CDK4: variants seen among roughly 807,000 people sequenced by gnomAD.
CDK4 encodes the protein cyclin dependent kinase 4.
In CDK4, 13 loss-of-function variants were observed where a neutral mutation model predicts 36.7. The observed-to-expected ratio is 0.35, with a 90% confidence interval of 0.23 to 0.56. The LOEUF (loss-of-function observed/expected upper bound fraction) is 0.56, where lower values mean the gene tolerates loss of function less well. CDK4 is among the 20% of genes least tolerant of loss of function. The pLI, the probability that CDK4 is intolerant of heterozygous loss-of-function variation, is 0.85. For missense variants in CDK4, 285 were observed against 387.3 expected, an observed-to-expected ratio of 0.74 and a Z score of 2.22; for synonymous variants, 158 against 146.4, an observed-to-expected ratio of 1.08 and a Z score of -0.57.
rs570118524 is a variant in CDK4 at position 57,751,998 on chromosome 12, T to C, written c.-20+177A>G. ...CCGCACAAAGATCACACATGACACA[T>C]GCCTTGCATCGAAGATCCTACACCT... is the stretch of plus-strand genomic sequence containing the variant. On this transcript the variant is annotated intron_variant, in intron 1 of 7. Coordinates refer to ENST00000257904, the MANE Select transcript of CDK4 (RefSeq NM_000075.4). This position sits in a 1 kb window ranked among gnomAD's most constrained non-coding sequence, Gnocchi z 4.5. 7.8e-6 allele frequency: 4 copies of C among 513,332 alleles called. No individual in the cohort carries two copies. Among genetic ancestry groups the C allele is most frequent in the Admixed American group, 3.2e-5 (1 of 30,904 alleles). 31.8% of individuals were successfully genotyped at this position (513,332 alleles called of 1,614,324 possible). A position where few individuals can be genotyped will look rare whatever the true frequency, so the allele number is the denominator to read the frequency against.
rs1955200152 is a variant in CDK4, at chr12:57,749,211, T to C, written c.790A>G (p.Met264Val). Reference protein sequence around the residue: ...PRPVQSVVPEMEESGAQLLLE... With the variant: ...PRPVQSVVPEVEESGAQLLLE... ...AGCAGCTGTGCTCCCGACTCCTCCATCTCAGGTACCACCGACTGCACTGGG... is the reference window on the plus strand; with the variant it reads ...AGCAGCTGTGCTCCCGACTCCTCCACCTCAGGTACCACCGACTGCACTGGG... Residue 264 changes from methionine (M) to valine (V), a missense_variant, in exon 7 of 8, where the codon ATG becomes GTG. Physicochemically the swap from Met to Val is conservative, Grantham distance 21. Transcript: ENST00000257904. The C allele has an allele frequency of 6.2e-7, 1 of 1,613,960 alleles. No individual in the cohort carries two copies. The highest frequency in any genetic ancestry group is 1.3e-5 in the African/African-American group (1 of 75,026).
Position 57,748,290 on chromosome 12 carries a change from A to T in CDK4, c.*235T>A. On this transcript the variant is annotated 3_prime_UTR_variant, in exon 8 of 8. Transcript: ENST00000257904. ...GTATAAAAAAGGACCCCAAATATAAAGGTAGGGAAAGGGACAAGAGGGAAC... is the reference window on the plus strand; with the variant it reads ...GTATAAAAAAGGACCCCAAATATAATGGTAGGGAAAGGGACAAGAGGGAAC... 1 of 465,168 alleles carries T rather than the reference A, an allele frequency of 2.1e-6. No homozygotes were observed. Among genetic ancestry groups the T allele is most frequent in the Non-Finnish European group, 3.9e-6 (1 of 254,864 alleles). 28.8% of individuals were successfully genotyped at this position (465,168 alleles called of 1,614,324 possible). A position where few individuals can be genotyped will look rare whatever the true frequency, so the allele number is the denominator to read the frequency against.
chr12:57,748,728 C>T (rs560428281), intron 7 of CDK4, 111 bp from the exon 8 acceptor site: 37 of 727,810 alleles, frequency 5.1e-5, no homozygotes, highest in East Asian at 3.2e-4. Context: ...TTTTTTGAGA[C>T]GGAGTCTCGC....
Position 57,751,886 on chromosome 12 carries a change from G to C in CDK4, c.-19-150C>G. On this transcript the variant is annotated intron_variant, in intron 1 of 7. Transcript: ENST00000257904. This position sits in a 1 kb window ranked among gnomAD's most constrained non-coding sequence, Gnocchi z 4.5. ...CCAGTCTTCCTTGGGGCCGGCCCCA[G>C]AGATAACACAATGACTCAATACCAA... The C allele has an allele frequency of 7.5e-6, 5 of 666,272 alleles. No homozygotes were observed. The highest frequency in any genetic ancestry group is 1.3e-5 in the Non-Finnish European group (5 of 376,104). 41.3% of individuals were successfully genotyped at this position (666,272 alleles called of 1,614,324 possible).
intron 6 of CDK4, 33 bp from the exon 7 acceptor site, chr12:57,749,350 G>T (rs752010346): frequency 6.2e-7 from 1 of 1,613,952 alleles, no homozygotes; most frequent in African/African-American, 1.3e-5. Flanking sequence ...GGTCAGGAGG[G>T]TCCTCCAGTT....
At position 57,751,394 on chromosome 12, in the gene CDK4, C is replaced by T. The variant is rs758859338; in HGVS notation, c.219-52G>A. The stretch of plus-strand genomic sequence containing the variant: ...AATCCCCTTTAACCCAACATGGCCT[C>T]TCATTATTTCCTCAGGGTCCCCACT... On this transcript the variant is annotated intron_variant, in intron 2 of 7. Transcript: ENST00000257904. The surrounding 1 kb of genome is among the most constrained non-coding windows in gnomAD (Gnocchi z 4.5). 1 of 1,613,708 alleles carries T rather than the reference C, an allele frequency of 6.2e-7. No homozygotes were observed. The highest frequency in any genetic ancestry group is 8.5e-7 in the Non-Finnish European group (1 of 1,179,762).
At chr12:57,750,438 G>A (rs917934321) in intron 5 of CDK4, 9 of 562,114 alleles carry the variant, frequency 1.6e-5, no homozygotes, top group Admixed American at 7.1e-5. Flanking sequence ...ATGGAGGTGC[G>A]TGCCTGTAGT....
At chr12:57,750,579 TG>T in intron 5 of CDK4, 76 bp downstream of exon 5, 1 of 1,018,458 alleles carries the variant, frequency 9.8e-7, no homozygotes, top group Non-Finnish European at 1.6e-6. Flanking sequence ...AAAAAAAGAA[TG>T]GGCAAGGTAT....
chr12:57,750,808 C>T lies in CDK4; in HGVS notation c.523-43G>A, dbSNP rs201866010. ...AATGGATGGGGACCCCATGGGTTAC[C>T]ATGAAACACAACTTGCTTGACTGAA... On this transcript the variant is annotated intron_variant, in intron 4 of 7. Transcript: ENST00000257904. The T allele has an allele frequency of 1.2e-4, 197 of 1,595,334 alleles. 8 individuals carry two copies. Among genetic ancestry groups the T allele is most frequent in the East Asian group, 7.6e-4 (34 of 44,798 alleles).
chr12:57,747,747 CTT>C lies in CDK4; in HGVS notation c.*776_*777del, dbSNP rs146863045. The C allele has an allele frequency of 6.6e-4, 100 of 151,142 alleles. No homozygotes were observed. The highest frequency in any genetic ancestry group is 3.2e-3 in the Middle Eastern group (1 of 308). 9.4% of individuals were successfully genotyped at this position (151,142 alleles called of 1,614,324 possible). ...TAAAAGCCATTTAAAAATCTATATT[CTT>C]TTTTTTTTTTTGACACAGAGTCTTG... is the stretch of plus-strand genomic sequence containing the variant. On this transcript the variant is annotated 3_prime_UTR_variant, in exon 8 of 8. Transcript: ENST00000257904.
rs1955235563 is a variant in CDK4, at chr12:57,751,380, A to G, written c.219-38T>C. 6.2e-7 allele frequency: 1 copy of G among 1,613,464 alleles called. No homozygotes were observed. The highest frequency in any genetic ancestry group is 2.2e-5 in the East Asian group (1 of 44,860). On this transcript the variant is annotated intron_variant, in intron 2 of 7. Transcript: ENST00000257904. This position sits in a 1 kb window ranked among gnomAD's most constrained non-coding sequence, Gnocchi z 4.5. ...AATGCTCACTTTTCAATCCCCTTTA[A>G]CCCAACATGGCCTCTCATTATTTCC... is the stretch of plus-strand genomic sequence containing the variant.
At chr12:57,750,153 C>CAATAAATA (rs140233512) in intron 5 of CDK4, 337 of 142,110 alleles carry the variant, frequency 2.4e-3, no homozygotes, top group African/African-American at 7.3e-3. Flanking sequence ...AACCTTATCT[C>CAATAAATA]AATAAATAAA....
chr12:57,751,467 C>T lies in CDK4; in HGVS notation c.218+33G>A, dbSNP rs1277353205. The T allele has an allele frequency of 5.6e-6, 9 of 1,610,756 alleles. No homozygotes were observed. The highest frequency in any genetic ancestry group is 4.4e-5 in the South Asian group (4 of 90,982). On this transcript the variant is annotated intron_variant, in intron 2 of 7. Coordinates refer to ENST00000257904, the MANE Select transcript of CDK4 (RefSeq NM_000075.4). The surrounding 1 kb of genome is among the most constrained non-coding windows in gnomAD (Gnocchi z 4.5). ...ACCTATAGGCTGTCTTTTCCCTTTA[C>T]TCCCCACGCCCAACCCTCCACCACC...
intron 4 of CDK4, 55 bp downstream of exon 4, chr12:57,750,868 C>G: frequency 6.2e-7 from 1 of 1,605,844 alleles, no homozygotes; most frequent in Non-Finnish European, 8.5e-7. Flanking sequence ...TTGCTACGGG[C>G]AATCACTCTC....
rs1481057693 is a variant in CDK4, at chr12:57,749,457, A to C, written c.680T>G (p.Phe227Cys). 6.2e-7 allele frequency: 1 copy of C among 1,614,118 alleles called. No homozygotes were observed. Among genetic ancestry groups the C allele is most frequent in the Non-Finnish European group, 8.5e-7 (1 of 1,180,034 alleles). The change falls in exon 6 of 8, where the codon TTT becomes TGT. Residue 227 changes from phenylalanine to cysteine, a missense_variant. Transcript: ENST00000257904. ...NSEADQLGKIFDLIGLPPEDD... is the reference protein window; with the variant it reads ...NSEADQLGKICDLIGLPPEDD... ...TTCTCCCATGTTGGTCACTTACTCA[A>C]AGATTTTGCCCAACTGGTCGGCTTC...
intron 5 of CDK4, chr12:57,749,780 T>A: frequency 5.9e-6 from 3 of 505,500 alleles, no homozygotes; most frequent in African/African-American, 1.9e-5. Flanking sequence ...GGGTGGATCA[T>A]GAGGTCAAGA....
chr12:57,749,411 G>T (rs771755893), intron 6 of CDK4, 43 bp downstream of exon 6: 2 of 1,613,058 alleles, frequency 1.2e-6, no homozygotes, highest in Non-Finnish European at 1.7e-6. Flanking sequence ...GCAGAAAGAG[G>T]ACTCAGAATA....
chr12:57,750,656 T>G lies in CDK4; in HGVS notation c.632A>C (p.Lys211Thr), dbSNP rs765656720. ...AGTCCAGGGTATGTGGGTCCCATAC[T>G]TTCGACGAAACATCTCTGCAAAGAT... ...GCIFAEMFRR[K>T]PLFCGNSEAD... The change falls in exon 5 of 8, where the codon AAG (lysine) becomes ACG (threonine). Residue 211 changes from lysine (K) to threonine (T), a missense_variant and splice_region_variant. Physicochemically the swap from Lys to Thr is moderately conservative, Grantham distance 78. Transcript: ENST00000257904. The G allele has an allele frequency of 6.2e-7, 1 of 1,607,834 alleles. No individual in the cohort carries two copies. The highest frequency in any genetic ancestry group is 1.7e-5 in the Admixed American group (1 of 60,014).
intron 1 of CDK4, 32 bp downstream of exon 1, chr12:57,752,143 G>T (rs1955244806): frequency 3.1e-6 from 1 of 323,386 alleles, no homozygotes. Flanking sequence ...GGCGGGCACT[G>T]GTTCTCATTC....
Sources: allele counts gnomAD v4.1 joint callset, GRCh38; gene constraint gnomAD v4.1.1; non-coding constraint Gnocchi (gnomAD v3.1); transcripts MANE v1.5; gene names NCBI Gene and HGNC (gene_info 2026-07-23, HGNC 2026-07-21).